SLC4A10: variants seen among roughly 807,000 people sequenced by gnomAD.
SLC4A10 encodes sodium-driven chloride bicarbonate exchanger.
In SLC4A10, 42 loss-of-function variants were observed where a neutral mutation model predicts 137.7. The observed-to-expected ratio is 0.30, with a 90% CI of 0.24 to 0.39. SLC4A10 has a LOEUF of 0.39. SLC4A10 is among the 10% of genes least tolerant of loss of function. The pLI, the probability that SLC4A10 is intolerant of heterozygous loss-of-function variation, is 1.00. For synonymous variants in SLC4A10, 474 were observed against 464.1 expected (o/e 1.02, Z -0.27); for missense variants, 925 against 1,355.0 (o/e 0.68, Z 4.98).
At chr2:161,721,926 C>G (rs946761154) in intron 1 of SLC4A10, among the ~76,000 whole-genome samples, 1 of 152,188 alleles carries the variant, frequency 6.6e-6, no homozygotes, top group Non-Finnish European at 1.5e-5. Flanking sequence ...TGTCTTACTT[C>G]AGCAAGATAG....
At chr2:161,819,147 G>A (rs1428785629) in intron 3 of SLC4A10, among the ~76,000 whole-genome samples, 1 of 152,140 alleles carries the variant, frequency 6.6e-6, no homozygotes, top group Non-Finnish European at 1.5e-5. Flanking sequence ...CATCCTAGTT[G>A]CATTAGTGTT....
intron 11 of SLC4A10, among the ~76,000 whole-genome samples, 164 bp from the exon 12 acceptor site, chr2:161,900,747 A>G (rs1682911622): frequency 6.6e-6 from 1 of 152,142 alleles, no homozygotes; most frequent in Non-Finnish European, 1.5e-5. Context: ...AACACTTTAA[A>G]AGGCTAAATA....
At chr2:161,767,133 A>G (rs373748115) in intron 1 of SLC4A10, among the ~76,000 whole-genome samples, 5,223 of 89,972 alleles carry the variant, frequency 0.058, 191 homozygotes, top group Non-Finnish European at 0.079. Flanking sequence ...ATATATATAT[A>G]TATATATGTG....
At chr2:161,756,045 G>A (rs375661066) in intron 1 of SLC4A10, among the ~76,000 whole-genome samples, 1 of 151,882 alleles carries the variant, frequency 6.6e-6, no homozygotes, top group East Asian at 1.9e-4. Context: ...CTGGGATTAC[G>A]GGCTTGAGCC....
chr2:161,937,773 G>A (rs373291688), intron 15 of SLC4A10, among the ~76,000 whole-genome samples: 4 of 152,094 alleles, frequency 2.6e-5, no homozygotes, highest in African/African-American at 9.7e-5. Context: ...AGCTTTCAAT[G>A]TTACCAAACA....
chr2:161,828,944 TC>T (rs1213181923), intron 3 of SLC4A10, among the ~76,000 whole-genome samples: 8 of 150,080 alleles, frequency 5.3e-5, no homozygotes, highest in African/African-American at 1.7e-4. Context: ...TTAGAATAAT[TC>T]TATTAGAATT....
intron 10 of SLC4A10, among the ~76,000 whole-genome samples, chr2:161,888,761 T>C (rs573295097): frequency 6.6e-6 from 1 of 152,286 alleles, no homozygotes; most frequent in Admixed American, 6.5e-5. Flanking sequence ...TCTCTTCCTA[T>C]TTGAATACCT....
chr2:161,773,133 A>G, intron 2 of SLC4A10, among the ~76,000 whole-genome samples: 1 of 151,918 alleles, frequency 6.6e-6, no homozygotes, highest in Non-Finnish European at 1.5e-5. Flanking sequence ...GAGACTGGGA[A>G]GTCCACGATT....
chr2:161,927,585 AC>A (rs1689410451), intron 15 of SLC4A10, among the ~76,000 whole-genome samples: 1 of 152,210 alleles, frequency 6.6e-6, no homozygotes, highest in Admixed American at 6.5e-5. Flanking sequence ...TGAACAGGCA[AC>A]CTACAAAATG....
intron 6 of SLC4A10, among the ~76,000 whole-genome samples, chr2:161,863,890 T>A (rs548297432): frequency 6.6e-6 from 1 of 152,182 alleles, no homozygotes; most frequent in Non-Finnish European, 1.5e-5. Context: ...TTTGTTAAAC[T>A]TCTGTAGGCT....
At chr2:161,646,860 T>C (rs2036120878) in intron 1 of SLC4A10, among the ~76,000 whole-genome samples, 1 of 152,078 alleles carries the variant, frequency 6.6e-6, no homozygotes, top group African/African-American at 2.4e-5. Flanking sequence ...ATTTCACATT[T>C]GTTGAAATCC....
intron 1 of SLC4A10, among the ~76,000 whole-genome samples, chr2:161,769,737 A>T (rs1245689254): frequency 6.6e-6 from 1 of 151,772 alleles, no homozygotes; most frequent in Non-Finnish European, 1.5e-5. Context: ...TGCGCTATTT[A>T]TAAGAATTCT....
intron 3 of SLC4A10, among the ~76,000 whole-genome samples, chr2:161,838,237 A>G (rs1048587272): frequency 6.6e-6 from 1 of 152,162 alleles, no homozygotes; most frequent in South Asian, 2.1e-4. Flanking sequence ...GGTCTTTTCC[A>G]TAAATGGTAT....
intron 4 of SLC4A10, among the ~76,000 whole-genome samples, chr2:161,846,624 T>A (rs1308597695): frequency 6.6e-6 from 1 of 152,172 alleles, no homozygotes; most frequent in Non-Finnish European, 1.5e-5. Context: ...ATCTTTATAA[T>A]GGAATATTAC....
chr2:161,710,982 T>A (rs10203911), intron 1 of SLC4A10, among the ~76,000 whole-genome samples: 1,752 of 151,972 alleles, frequency 0.012, 31 homozygotes, highest in African/African-American at 0.04. Flanking sequence ...ATCTATAAGC[T>A]GATGAATCCT....
intron 15 of SLC4A10, among the ~76,000 whole-genome samples, chr2:161,941,208 T>G (rs1692621994): frequency 6.6e-6 from 1 of 152,190 alleles, no homozygotes; most frequent in Non-Finnish European, 1.5e-5. Flanking sequence ...CTCAAAATCA[T>G]TCCACGTTTA....
At chr2:161,828,143 A>T (rs373835546) in intron 3 of SLC4A10, among the ~76,000 whole-genome samples, 2 of 151,832 alleles carry the variant, frequency 1.3e-5, no homozygotes, top group East Asian at 1.9e-4. Context: ...ATTCTATTTC[A>T]CTCCAGTTTT....
chr2:161,839,111 T>A (rs1233928717), intron 3 of SLC4A10, among the ~76,000 whole-genome samples: 1 of 152,238 alleles, frequency 6.6e-6, no homozygotes, highest in East Asian at 1.9e-4. Flanking sequence ...ATTCCTGCAA[T>A]GGACTGTTAC....
chr2:161,701,904 C>T (rs1018062141), intron 1 of SLC4A10, among the ~76,000 whole-genome samples: 10 of 151,792 alleles, frequency 6.6e-5, no homozygotes, highest in South Asian at 2.1e-4. Flanking sequence ...CAAAAAATAA[C>T]GGACACTGGC....
Sources: allele counts gnomAD v4.1 joint callset (sites outside exome capture counted in the v4.1 genomes callset), GRCh38; gene constraint gnomAD v4.1.1; transcripts MANE v1.5; gene names NCBI Gene and HGNC (gene_info 2026-07-23, HGNC 2026-07-21).